INSC: variants seen among roughly 807,000 people sequenced by gnomAD.
The protein encoded by INSC is protein inscuteable homolog.
In INSC, 67 loss-of-function variants were observed where a neutral mutation model predicts 58.6. The observed-to-expected ratio is 1.14, with a 90% CI of 0.94 to 1.40. The LOEUF (loss-of-function observed/expected upper bound fraction) is 1.40. INSC is among the 40% of genes most tolerant of loss of function. The pLI is 0.00. For missense variants in INSC, 714 were observed against 692.0 expected (o/e 1.03, Z -0.36); for synonymous variants, 262 against 276.1 (o/e 0.95, Z 0.51).
chr11:15,195,752 A>G (rs1850347648), intron 6 of INSC, among the ~76,000 whole-genome samples: 1 of 152,184 alleles, frequency 6.6e-6, no homozygotes, highest in Non-Finnish European at 1.5e-5. Context: ...TTGGGACAAG[A>G]GGGCAGCTCT....
intron 2 of INSC, among the ~76,000 whole-genome samples, chr11:15,162,291 T>A (rs772183717): frequency 7.9e-5 from 12 of 152,162 alleles, no homozygotes; most frequent in Non-Finnish European, 1.8e-4. Flanking sequence ...CTAGCCACAC[T>A]TATCTCCATA....
chr11:15,134,818 A>C (rs1479041612), intron 1 of INSC, among the ~76,000 whole-genome samples: 1 of 143,236 alleles, frequency 7.0e-6, no homozygotes, highest in Non-Finnish European at 1.5e-5. Flanking sequence ...GTCAAGTCTC[A>C]TCTTCCTCCT....
At chr11:15,237,059 T>TAGAG (rs2133972086) in intron 10 of INSC, among the ~76,000 whole-genome samples, 1 of 152,280 alleles carries the variant, frequency 6.6e-6, no homozygotes, top group Admixed American at 6.5e-5. Context: ...CTGGCATCTG[T>TAGAG]AGAGGGTTTT....
intron 7 of INSC, among the ~76,000 whole-genome samples, chr11:15,206,698 A>G (rs942887100): frequency 6.6e-6 from 1 of 152,094 alleles, no homozygotes; most frequent in African/African-American, 2.4e-5. Context: ...TTTGGGGAAG[A>G]ATGAAGAGAG....
intron 6 of INSC, among the ~76,000 whole-genome samples, chr11:15,198,898 A>AG (rs1426183719): frequency 6.6e-6 from 1 of 152,142 alleles, no homozygotes; most frequent in Non-Finnish European, 1.5e-5. Context: ...AAGGAATCAG[A>AG]GGTGTAAGTG....
At chr11:15,197,668 T>C (rs1850421486) in intron 6 of INSC, among the ~76,000 whole-genome samples, 2 of 152,224 alleles carry the variant, frequency 1.3e-5, no homozygotes, top group Non-Finnish European at 2.9e-5. Context: ...TGGGTTCCTC[T>C]GAAGGCTAAA....
intron 2 of INSC, among the ~76,000 whole-genome samples, chr11:15,174,118 A>G (rs932922335): frequency 2.2e-5 from 3 of 137,544 alleles, no homozygotes; most frequent in African/African-American, 5.6e-5. Context: ...GACTATTCCC[A>G]TGCTACTCTG....
At chr11:15,244,389 C>G (rs1469403103) in intron 12 of INSC, among the ~76,000 whole-genome samples, 1 of 152,190 alleles carries the variant, frequency 6.6e-6, no homozygotes, top group Non-Finnish European at 1.5e-5. Context: ...CACGCTCCTT[C>G]TCTTTGACCT....
intron 9 of INSC, among the ~76,000 whole-genome samples, chr11:15,230,001 AT>A (rs1258245651): frequency 1.2e-4 from 3 of 25,306 alleles, no homozygotes; most frequent in Non-Finnish European, 2.0e-4. Context: ...ATATATATAT[AT>A]ATATATATAT....
chr11:15,116,813 C>T (rs1413626630), intron 1 of INSC, among the ~76,000 whole-genome samples: 2 of 25,050 alleles, frequency 8.0e-5, no homozygotes, highest in Admixed American at 3.4e-4. Context: ...TCTTTTCTTT[C>T]TTTCTTTCTT....
intron 3 of INSC, among the ~76,000 whole-genome samples, 190 bp downstream of exon 3, chr11:15,176,276 G>GT (rs1004909297): frequency 2.9e-4 from 43 of 148,776 alleles, no homozygotes; most frequent in East Asian, 7.9e-4. Context: ...TGTGCTAGGT[G>GT]TTTTTTTTTT....
intron 7 of INSC, among the ~76,000 whole-genome samples, chr11:15,209,006 G>A (rs956108136): frequency 6.6e-6 from 1 of 152,168 alleles, no homozygotes; most frequent in African/African-American, 2.4e-5. Flanking sequence ...GCCAGCCTCC[G>A]ATGATGTAGG....
At chr11:15,256,491 A>AGTTT in the INSC span, among the ~76,000 whole-genome samples, 28 of 142,006 alleles carry the variant, frequency 2.0e-4, 2 homozygotes, top group Non-Finnish European at 2.3e-4. Flanking sequence ...ATTTCATTTC[A>AGTTT]TTTTTTTTTT....
chr11:15,241,492 A>G, intron 12 of INSC: 2 of 686,014 alleles, frequency 2.9e-6, no homozygotes, highest in Non-Finnish European at 5.3e-6. Flanking sequence ...GTGACATTTG[A>G]TAAGTCACTC....
Position 15,221,484 on chromosome 11 carries a change from G to T in INSC, c.827G>T (p.Gly276Val). The stretch of plus-strand genomic sequence containing the variant: ...CCCTCTCTCCATCTGCAGGTGGATG[G>T]CGTTCTGTGCTTGGCCGACATCCTG... ...EGVHQLEKVDGVLCLADILTD... is the reference protein window; with the variant it reads ...EGVHQLEKVDVVLCLADILTD... Residue 276 changes from glycine to valine, a missense_variant, in exon 8 of 13, where the codon GGC becomes GTC. Gly to Val is a moderately radical substitution (Grantham distance 109). Coordinates refer to ENST00000379556, the MANE Select transcript of INSC (RefSeq NM_001042536.3). 1 of 1,608,822 alleles carries T rather than the reference G, an allele frequency of 6.2e-7. No individual in the cohort carries two copies.
chr11:15,128,070 A>G (rs1447478091), intron 1 of INSC, among the ~76,000 whole-genome samples: 1 of 152,124 alleles, frequency 6.6e-6, no homozygotes, highest in Non-Finnish European at 1.5e-5. Flanking sequence ...GACTTGGACA[A>G]GTCATTTATC....
At chr11:15,165,306 A>G (rs773975152) in intron 2 of INSC, among the ~76,000 whole-genome samples, 3 of 152,224 alleles carry the variant, frequency 2.0e-5, no homozygotes, top group Admixed American at 1.3e-4. Flanking sequence ...CACAGGCTTT[A>G]TTAGAACTTC....
In INSC at chr11:15,238,878, A is replaced by T. The variant is rs1472357395; in HGVS notation, c.1238-41A>T. The T allele has an allele frequency of 3.1e-6, 5 of 1,594,406 alleles. No homozygotes were observed. In the African/African-American group the frequency reaches 6.7e-5, roughly 21 times the overall value. On this transcript the variant is annotated intron_variant, in intron 10 of 12. Coordinates refer to ENST00000379556, the MANE Select transcript of INSC (RefSeq NM_001042536.3). Reference sequence around the variant, plus strand: ...CAGCTGGCCCCATGGGGAAGGCTCCATGCTGGGGTAGGTACCAACTGTTCC... The same window carrying T: ...CAGCTGGCCCCATGGGGAAGGCTCCTTGCTGGGGTAGGTACCAACTGTTCC...
chr11:15,126,416 G>T (rs1847996569), intron 1 of INSC, among the ~76,000 whole-genome samples: 1 of 152,172 alleles, frequency 6.6e-6, no homozygotes, highest in African/African-American at 2.4e-5. Context: ...GAGAAGACTG[G>T]GTTCTGGGAA....
Sources: gnomAD v4.1 joint callset for allele counts (sites outside exome capture counted in the v4.1 genomes callset) on GRCh38, gnomAD v4.1.1 for gene constraint, MANE v1.5 for transcripts, NCBI Gene and HGNC (gene_info 2026-07-23, HGNC 2026-07-21) for gene names.